OSBP2: variants seen among roughly 807,000 people sequenced by gnomAD.
OSBP2 encodes the protein oxysterol-binding protein 2.
Under a neutral mutation model 96.0 loss-of-function variants are expected in OSBP2, and 66 were observed. The ratio of observed to expected loss-of-function variants is 0.69; its 90% CI spans 0.56 to 0.84. The LOEUF is 0.84. Among genes scored for constraint, OSBP2 ranks in the 40% least tolerant of loss-of-function variants. The pLI is 0.00. For missense variants in OSBP2, 1,038 were observed against 1,222.7 expected (o/e 0.85, Z 2.25); for synonymous variants, 525 against 520.9 (o/e 1.01, Z -0.11).
In OSBP2 at chr22:30,870,726, C is replaced by T. The variant is rs770361140; in HGVS notation, c.1107+44C>T. 15 of 1,594,914 alleles carry T rather than the reference C, an allele frequency of 9.4e-6. 1 individual carries two copies. The highest frequency in any genetic ancestry group is 8.4e-5 in the Admixed American group (5 of 59,598). ...CGCCCTGGCACGGGGCTCCCTGGCTCCAGCCCCGGGGTCCCTCGGTGGGTG... is the reference window on the plus strand; with the variant it reads ...CGCCCTGGCACGGGGCTCCCTGGCTTCAGCCCCGGGGTCCCTCGGTGGGTG... On this transcript the variant is annotated intron_variant, in intron 3 of 13. Coordinates refer to ENST00000332585, the MANE Select transcript of OSBP2 (RefSeq NM_030758.4). This position sits in a 1 kb window ranked among gnomAD's most constrained non-coding sequence, Gnocchi z 4.1.
intron 1 of OSBP2, among the ~76,000 whole-genome samples, chr22:30,696,094 G>A (rs111811684): frequency 6.0e-4 from 91 of 152,248 alleles, no homozygotes; most frequent in African/African-American, 1.8e-3. Flanking sequence ...TATTGGACAC[G>A]GTTCTTGGCC....
At chr22:30,872,260 A>G (rs1465024382) in intron 3 of OSBP2, 1 of 456,632 alleles carries the variant, frequency 2.2e-6, no homozygotes, top group Non-Finnish European at 4.4e-6. Flanking sequence ...CACAAATGTG[A>G]AGCACTGAAT....
chr22:30,796,996 C>A (rs1309585662), intron 2 of OSBP2, among the ~76,000 whole-genome samples: 3 of 152,216 alleles, frequency 2.0e-5, no homozygotes, highest in Admixed American at 6.5e-5. Context: ...AACAGTAACT[C>A]CCCATTCCTC....
intron 2 of OSBP2, among the ~76,000 whole-genome samples, chr22:30,851,807 T>C (rs1442171337): frequency 6.6e-6 from 1 of 152,184 alleles, no homozygotes; most frequent in Non-Finnish European, 1.5e-5. Context: ...TATAGATGCC[T>C]TTTATAATGG....
intron 1 of OSBP2, among the ~76,000 whole-genome samples, chr22:30,701,202 A>G (rs950573923): frequency 6.6e-6 from 1 of 152,048 alleles, no homozygotes; most frequent in African/African-American, 2.4e-5. Flanking sequence ...ACACCAAGAC[A>G]TTGTTGCCTC....
chr22:30,778,714 C>A (rs764771394), intron 2 of OSBP2, among the ~76,000 whole-genome samples: 1 of 151,972 alleles, frequency 6.6e-6, no homozygotes, highest in Non-Finnish European at 1.5e-5. Flanking sequence ...CACTGCAGTA[C>A]GAGATGAAAA....
chr22:30,905,743 C>T, intron 12 of OSBP2, 94 bp from the exon 13 acceptor site: 3 of 1,309,848 alleles, frequency 2.3e-6, no homozygotes, highest in Non-Finnish European at 2.9e-6. Context: ...TGAGGCGACC[C>T]GGGAGGAGAC....
In OSBP2 at chr22:30,906,509, G is replaced by C; in HGVS notation, c.*170G>C. 1 of 815,874 alleles carries C rather than the reference G, an allele frequency of 1.2e-6. No homozygotes were observed. Among genetic ancestry groups the C allele is most frequent in the Non-Finnish European group, 1.8e-6 (1 of 561,836 alleles). The allele number at this position is 815,874 out of a possible 1,614,324, so 50.5% of individuals were successfully genotyped here. A position where few individuals can be genotyped will look rare whatever the true frequency, so the allele number is the denominator to read the frequency against. The stretch of plus-strand genomic sequence containing the variant: ...CTTTCTTGGGACTCCCACCTTGGAA[G>C]GAGGAAGGGCTGACCTGGGTTCTCT... On this transcript the variant is annotated 3_prime_UTR_variant, in exon 14 of 14. Coordinates refer to ENST00000332585, the MANE Select transcript of OSBP2 (RefSeq NM_030758.4).
chr22:30,694,981 C>A lies in OSBP2; in HGVS notation c.72C>A (p.Phe24Leu). ...GGRSRGLSSLFTVVPCLSCHT... is the reference protein window; with the variant it reads ...GGRSRGLSSLLTVVPCLSCHT... ...GCTCCCGCGGGCTCTCGTCGCTGTT[C>A]ACGGTTGTCCCCTGCCTGTCGTGCC... Residue 24 changes from phenylalanine to leucine, a missense_variant, in exon 1 of 14, where the codon TTC becomes TTA. Physicochemically the swap from Phe to Leu is conservative, Grantham distance 22 (BLOSUM62 0). This residue lies in a region of OSBP2 where 281 missense variants were observed against 273.4 expected (regional missense o/e 1.03). Coordinates refer to ENST00000332585, the MANE Select transcript of OSBP2 (RefSeq NM_030758.4). 6.5e-7 allele frequency: 1 copy of A among 1,544,680 alleles called. No individual in the cohort carries two copies. The highest frequency in any genetic ancestry group is 8.7e-7 in the Non-Finnish European group (1 of 1,151,880).
chr22:30,812,630 G>A (rs565669218), intron 2 of OSBP2, among the ~76,000 whole-genome samples: 8 of 152,282 alleles, frequency 5.3e-5, no homozygotes, highest in African/African-American at 1.7e-4. Flanking sequence ...TTTTTCCATT[G>A]CATAGATTTC....
At chr22:30,736,592 A>C (rs2089859328) in intron 1 of OSBP2, among the ~76,000 whole-genome samples, 1 of 152,218 alleles carries the variant, frequency 6.6e-6, no homozygotes, top group African/African-American at 2.4e-5. Context: ...GAAATAACTT[A>C]GATTTACAGA....
In OSBP2 at chr22:30,893,384, C is replaced by T. The variant is rs573107909; in HGVS notation, c.1991-79C>T. ...CTCTTCAACCCCCCAGCCTAGTTCT[C>T]AAGACACCAGGCCTAAGGGCAGACT... On this transcript the variant is annotated intron_variant, in intron 9 of 13. Transcript: ENST00000332585. The T allele has an allele frequency of 7.8e-6, 12 of 1,539,262 alleles. No individual in the cohort carries two copies. The South Asian group carries it at 9.0e-5, about 12-fold the overall frequency.
intron 1 of OSBP2, among the ~76,000 whole-genome samples, chr22:30,708,973 G>A (rs945974592): frequency 6.6e-6 from 1 of 151,824 alleles, no homozygotes; most frequent in Non-Finnish European, 1.5e-5. Context: ...GGTGGTGGGT[G>A]CCTGTAATCC....
chr22:30,798,057 G>A (rs924182945), intron 2 of OSBP2, among the ~76,000 whole-genome samples: 1 of 152,084 alleles, frequency 6.6e-6, no homozygotes, highest in Non-Finnish European at 1.5e-5. Context: ...TCCCACCAAC[G>A]CTGAGTTTTA....
At chr22:30,808,055 G>T (rs529559755) in intron 2 of OSBP2, among the ~76,000 whole-genome samples, 1 of 152,298 alleles carries the variant, frequency 6.6e-6, no homozygotes, top group East Asian at 1.9e-4. Context: ...CTCCCAAAGT[G>T]CGGGGATTAC....
chr22:30,869,606 C>A (rs1046142092), intron 2 of OSBP2, among the ~76,000 whole-genome samples: 1 of 152,220 alleles, frequency 6.6e-6, no homozygotes, highest in African/African-American at 2.4e-5. Flanking sequence ...ACGATCATGG[C>A]TCACTACAGC....
At chr22:30,843,362 A>G (rs1383803121) in intron 2 of OSBP2, among the ~76,000 whole-genome samples, 1 of 152,014 alleles carries the variant, frequency 6.6e-6, no homozygotes, top group Non-Finnish European at 1.5e-5. Flanking sequence ...CACATTGTCC[A>G]GTATTTTGCA....
At position 30,704,046 on chromosome 22, in the gene OSBP2, G is replaced by C. The variant is rs532327206; in HGVS notation, c.644+8493G>C. 2.6e-5 allele frequency among the ~76,000 whole-genome samples: 4 copies of C among 152,308 alleles called. No homozygotes were observed. In the East Asian group the frequency reaches 7.7e-4, roughly 29 times the overall value. ...CACGAGGATTCAATCACAGTCTTCT[G>C]ACTCAGCCCACGCAAAGGTGTCCAC... On this transcript the variant is annotated intron_variant, in intron 1 of 13. Transcript: ENST00000332585.
intron 1 of OSBP2, among the ~76,000 whole-genome samples, chr22:30,737,843 G>A (rs2089879159): frequency 6.6e-6 from 1 of 151,990 alleles, no homozygotes; most frequent in Non-Finnish European, 1.5e-5. Context: ...CTCCTGAGTA[G>A]CTGGGACTAC....
Sources: allele counts gnomAD v4.1 joint callset (sites outside exome capture counted in the v4.1 genomes callset), GRCh38; gene constraint gnomAD v4.1.1; regional missense constraint gnomAD v4.1.1; non-coding constraint Gnocchi (gnomAD v3.1); transcripts MANE v1.5; gene names NCBI Gene and HGNC (gene_info 2026-07-23, HGNC 2026-07-21).